SLC9A4: variants seen among roughly 807,000 people sequenced by gnomAD.
SLC9A4 encodes the protein sodium/hydrogen exchanger 4.
In SLC9A4, 63 loss-of-function variants were observed where a neutral mutation model predicts 67.4. That is an observed-to-expected ratio of 0.93 (90% CI 0.76 to 1.15). The LOEUF (loss-of-function observed/expected upper bound fraction) is 1.15. Ranked by LOEUF, SLC9A4 falls within the 50% of genes most tolerant of loss-of-function variation. The probability of loss-of-function intolerance (pLI) is 0.00; values close to 1 mark genes in which losing one functional copy is unlikely to be tolerated. For synonymous variants in SLC9A4, 393 were observed against 367.2 expected, an observed-to-expected ratio of 1.07 and a Z score of -0.80; for missense variants, 1,089 against 987.7, an observed-to-expected ratio of 1.10 and a Z score of -1.38.
In SLC9A4 at chr2:102,490,943, C is replaced by G. The variant is rs371229214; in HGVS notation, c.720+11641C>G. 1.2e-4 allele frequency among the ~76,000 whole-genome samples: 19 copies of G among 152,330 alleles called. No homozygotes were observed. The South Asian group carries it at 3.5e-3, about 28-fold the overall frequency. ...AGAGCAGTTACCATATTGAACATTG[C>G]TGGTCACTGTGCTGGAGGAAAGAGA... On this transcript the variant is annotated intron_variant, in intron 2 of 11. Transcript: ENST00000295269.
At position 102,508,294 on chromosome 2, in the gene SLC9A4, C is replaced by G. The variant is rs746174028; in HGVS notation, c.1401+13C>G. On this transcript the variant is annotated intron_variant, in intron 5 of 11. Coordinates refer to ENST00000295269, the MANE Select transcript of SLC9A4 (RefSeq NM_001011552.4). ...TGTATTTATTCAGGTAAGTAGATTT[C>G]CCTTATATTTAAATAAATAGGTTAT... The G allele has an allele frequency of 1.3e-6, 2 of 1,580,902 alleles. No homozygotes were observed. Among genetic ancestry groups the G allele is most frequent in the Admixed American group, 1.8e-5 (1 of 57,058 alleles).
At chr2:102,510,007 CTTT>C (rs35336558) in intron 6 of SLC9A4, among the ~76,000 whole-genome samples, 1 of 147,140 alleles carries the variant, frequency 6.8e-6, no homozygotes. Flanking sequence ...ATCATACTTC[CTTT>C]TTTTTTTTTT....
At position 102,503,512 on chromosome 2, in the gene SLC9A4, A is replaced by G. The variant is rs746358657; in HGVS notation, c.785A>G (p.Asp262Gly). The G allele has an allele frequency of 1.9e-5, 30 of 1,614,038 alleles. No homozygotes were observed. The highest frequency in any genetic ancestry group is 2.1e-5 in the Non-Finnish European group (25 of 1,180,020). Reference protein sequence around the residue: ...MHKFEDIETVDILAGCARFIV... With the variant: ...MHKFEDIETVGILAGCARFIV... Reference sequence around the variant, plus strand: ...AAATTTGAAGACATAGAAACTGTCGACATTTTGGCTGGATGTGCCCGATTC... The same window carrying G: ...AAATTTGAAGACATAGAAACTGTCGGCATTTTGGCTGGATGTGCCCGATTC... The change falls in exon 3 of 12, where the codon GAC becomes GGC. Residue 262 changes from aspartate (D) to glycine (G), a missense_variant. Asp to Gly is a moderately conservative substitution (Grantham distance 94, BLOSUM62 -1). Transcript: ENST00000295269.
chr2:102,520,694 T>C (rs1481227736), intron 9 of SLC9A4, among the ~76,000 whole-genome samples: 1 of 152,204 alleles, frequency 6.6e-6, no homozygotes, highest in East Asian at 1.9e-4. Context: ...GACTGTGTCG[T>C]TGATCATAGT....
chr2:102,509,659 A>G (rs1315856148), intron 6 of SLC9A4, among the ~76,000 whole-genome samples: 4 of 152,198 alleles, frequency 2.6e-5, no homozygotes, highest in Non-Finnish European at 5.9e-5. Flanking sequence ...CAGTTCAAAA[A>G]TCCCAAATCT....
At chr2:102,524,556 T>TTTTGTGTGTG (rs1553414867) in intron 9 of SLC9A4, among the ~76,000 whole-genome samples, 1 of 145,416 alleles carries the variant, frequency 6.9e-6, no homozygotes, top group Non-Finnish European at 1.5e-5. Context: ...GTGATAGGAA[T>TTTTGTGTGTG]TGTGTGTGTG....
Position 102,503,465 on chromosome 2 carries a change from A to T in SLC9A4, c.738A>T (p.Leu246Phe). ...TTGCCTAGGTCTTATACAATATGTT[A>T]ATTGCCTTTACAAAGATGCATAAAT... is the stretch of plus-strand genomic sequence containing the variant. ...DGITVVLYNM[L>F]IAFTKMHKFE... The change falls in exon 3 of 12, where the codon TTA becomes TTT. Residue 246 changes from leucine to phenylalanine, a missense_variant. Physicochemically the swap from Leu to Phe is conservative, Grantham distance 22. Coordinates refer to ENST00000295269, the MANE Select transcript of SLC9A4 (RefSeq NM_001011552.4). 1 of 1,611,336 alleles carries T rather than the reference A, an allele frequency of 6.2e-7. No homozygotes were observed. Among genetic ancestry groups the T allele is most frequent in the Non-Finnish European group, 8.5e-7 (1 of 1,177,990 alleles).
chr2:102,517,600 T>C (rs903562727), intron 8 of SLC9A4, among the ~76,000 whole-genome samples: 1 of 152,204 alleles, frequency 6.6e-6, no homozygotes, highest in African/African-American at 2.4e-5. Flanking sequence ...AAGAGAATGA[T>C]TTGAATGTTT....
rs1354406849 is a variant in SLC9A4 at position 102,533,343 on chromosome 2, G to A, written c.*655G>A. 1.3e-5 allele frequency: 2 copies of A among 152,108 alleles called. No individual in the cohort carries two copies. Among genetic ancestry groups the A allele is most frequent in the Non-Finnish European group, 2.9e-5 (2 of 68,022 alleles). The allele number at this position is 152,108 out of a possible 1,614,324, so 9.4% of individuals were successfully genotyped here. On this transcript the variant is annotated 3_prime_UTR_variant, in exon 12 of 12. Transcript: ENST00000295269. ...TGGGTTTACGGTCTATTTCATAATT[G>A]AAATATTTATTTTAAAAATGAATAT...
rs559884932 is a variant in SLC9A4, at chr2:102,526,821, T to A, written c.2038+475T>A. ...CTGATTAAATGTTTTCCATTTAATA[T>A]TTAATTATTAAGTGGAATTCTTAGA... On this transcript the variant is annotated intron_variant, in intron 11 of 11. Coordinates refer to ENST00000295269, the MANE Select transcript of SLC9A4 (RefSeq NM_001011552.4). Among the ~76,000 whole-genome samples the A allele has an allele frequency of 4.6e-5, 7 of 152,346 alleles. No homozygotes were observed. In the East Asian group the frequency reaches 1.3e-3, roughly 29 times the overall value.
At position 102,503,458 on chromosome 2, in the gene SLC9A4, A is replaced by G. The variant is rs1684985081; in HGVS notation, c.731A>G (p.Asn244Ser). ...CTCTTTTTTGCCTAGGTCTTATACA[A>G]TATGTTAATTGCCTTTACAAAGATG... ...LNDGITVVLY[N>S]MLIAFTKMHK... The change falls in exon 3 of 12, where the codon AAT becomes AGT. Residue 244 changes from asparagine (N) to serine (S), a missense_variant. Coordinates refer to ENST00000295269, the MANE Select transcript of SLC9A4 (RefSeq NM_001011552.4). 5 of 1,608,790 alleles carry G rather than the reference A, an allele frequency of 3.1e-6. No individual in the cohort carries two copies. The highest frequency in any genetic ancestry group is 4.3e-6 in the Non-Finnish European group (5 of 1,176,372).
chr2:102,528,987 G>A (rs1200185687), intron 11 of SLC9A4, among the ~76,000 whole-genome samples: 1 of 152,226 alleles, frequency 6.6e-6, no homozygotes, highest in Non-Finnish European at 1.5e-5. Flanking sequence ...GTATTGTCCT[G>A]ATGTGAAGCC....
At chr2:102,521,169 T>C (rs1685409291) in intron 9 of SLC9A4, among the ~76,000 whole-genome samples, 1 of 152,178 alleles carries the variant, frequency 6.6e-6, no homozygotes, top group Admixed American at 6.5e-5. Flanking sequence ...TACTCAGCCT[T>C]TTCCCTATGT....
At chr2:102,480,147 G>A (rs1284794794) in intron 2 of SLC9A4, among the ~76,000 whole-genome samples, 1 of 152,108 alleles carries the variant, frequency 6.6e-6, no homozygotes, top group Non-Finnish European at 1.5e-5. Context: ...TATATAGCAT[G>A]AAACACAAAA....
In SLC9A4 at chr2:102,479,087, A is replaced by G. The variant is rs1429668543; in HGVS notation, c.505A>G (p.Asn169Asp). 1.9e-6 allele frequency: 3 copies of G among 1,614,062 alleles called. No homozygotes were observed. The highest frequency in any genetic ancestry group is 1.7e-6 in the Non-Finnish European group (2 of 1,180,032). ...LWWAVLGALI[N>D]ALGIGLSLYL... is the part of the protein sequence containing the mutation. Reference sequence around the variant, plus strand: ...GTGGGCAGTATTGGGGGCCCTGATCAACGCCTTGGGCATTGGCCTCTCCCT... The same window carrying G: ...GTGGGCAGTATTGGGGGCCCTGATCGACGCCTTGGGCATTGGCCTCTCCCT... Residue 169 changes from asparagine (N) to aspartate (D), a missense_variant, in exon 2 of 12, where the codon AAC (asparagine) becomes GAC (aspartate). Coordinates refer to ENST00000295269, the MANE Select transcript of SLC9A4 (RefSeq NM_001011552.4).
chr2:102,498,466 CA>C (rs1280589923), intron 2 of SLC9A4, among the ~76,000 whole-genome samples: 1 of 152,168 alleles, frequency 6.6e-6, no homozygotes, highest in Non-Finnish European at 1.5e-5. Context: ...CAACAATATT[CA>C]AATCTTTGAG....
chr2:102,512,391 C>A, intron 7 of SLC9A4, 118 bp downstream of exon 7: 1 of 1,058,866 alleles, frequency 9.4e-7, no homozygotes, highest in South Asian at 1.5e-5. Flanking sequence ...GCTCCTGAGC[C>A]ATCCCCTACA....
intron 9 of SLC9A4, among the ~76,000 whole-genome samples, chr2:102,521,250 A>C (rs1432958410): frequency 2.0e-5 from 3 of 152,316 alleles, no homozygotes; most frequent in South Asian, 2.1e-4. Context: ...TCCAGTCTCA[A>C]ATAAGGTCAA....
intron 2 of SLC9A4, among the ~76,000 whole-genome samples, chr2:102,488,545 T>C (rs568822712): frequency 8.4e-6 from 1 of 119,610 alleles, no homozygotes; most frequent in African/African-American, 3.6e-5. Flanking sequence ...TGAAATCTAA[T>C]TCCTTTTTTT....
Sources: gnomAD v4.1 joint callset for allele counts (sites outside exome capture counted in the v4.1 genomes callset) on GRCh38, gnomAD v4.1.1 for gene constraint, MANE v1.5 for transcripts, NCBI Gene and HGNC (gene_info 2026-07-23, HGNC 2026-07-21) for gene names.